The following MRPS31 variants were observed in gnomAD, a reference collection of about 807,000 sequenced individuals.
MRPS31 encodes small ribosomal subunit protein mS31.
Under a neutral mutation model 43.1 loss-of-function variants are expected in MRPS31, and 32 were observed. The observed-to-expected ratio is 0.74, with a 90% confidence interval of 0.56 to 1.00. The LOEUF (loss-of-function observed/expected upper bound fraction) is 1.00, where lower values mean the gene tolerates loss of function less well. Among genes scored for constraint, MRPS31 ranks in the 50% least tolerant of loss-of-function variants. The pLI, the probability that MRPS31 is intolerant of heterozygous loss-of-function variation, is 0.00. For synonymous variants in MRPS31, 165 were observed against 161.6 expected (o/e 1.02, Z -0.16); for missense variants, 437 against 466.7 (o/e 0.94, Z 0.59).
intron 4 of MRPS31, among the ~76,000 whole-genome samples, chr13:40,756,097 G>A (rs1402094746): frequency 6.6e-6 from 1 of 152,154 alleles, no homozygotes; most frequent in Non-Finnish European, 1.5e-5. Context: ...CACCCAGAAA[G>A]AGTTAACTCA....
chr13:40,738,880 G>A (rs1424051388), intron 6 of MRPS31, among the ~76,000 whole-genome samples: 1 of 152,184 alleles, frequency 6.6e-6, no homozygotes, highest in African/African-American at 2.4e-5. Context: ...ACTGGCACAA[G>A]ACAGGGATGC....
chr13:40,730,828 G>A (rs1879670134), intron 6 of MRPS31, among the ~76,000 whole-genome samples: 1 of 151,984 alleles, frequency 6.6e-6, no homozygotes, highest in African/African-American at 2.4e-5. Flanking sequence ...CCAAAGTGCT[G>A]GGATTACAGG....
At chr13:40,750,883 T>C (rs1343525439) in intron 5 of MRPS31, among the ~76,000 whole-genome samples, 1 of 151,644 alleles carries the variant, frequency 6.6e-6, no homozygotes, top group Non-Finnish European at 1.5e-5. Context: ...CTTTAGCGCG[T>C]ATCTGTAATA....
chr13:40,741,500 C>G (rs1280911400), intron 6 of MRPS31, among the ~76,000 whole-genome samples: 1 of 152,086 alleles, frequency 6.6e-6, no homozygotes, highest in Non-Finnish European at 1.5e-5. Context: ...GATTTGTAAT[C>G]TGGTTATCAA....
rs954301474 is a variant in MRPS31, at chr13:40,739,925, C to T, written c.958+9213G>A. 2.1e-3 allele frequency among the ~76,000 whole-genome samples: 321 copies of T among 151,632 alleles called. 1 individual carries two copies. The highest frequency in any genetic ancestry group is 7.6e-3 in the African/African-American group (312 of 41,316). ...CACCAAAAGCAATGGCAACAAAAGA[C>T]AAAATTGACAAATGGGATCTAATTA... is the stretch of plus-strand genomic sequence containing the variant. On this transcript the variant is annotated intron_variant, in intron 6 of 6. Coordinates refer to ENST00000323563, the MANE Select transcript of MRPS31 (RefSeq NM_005830.4).
intron 2 of MRPS31, among the ~76,000 whole-genome samples, chr13:40,764,886 T>C (rs1000516499): frequency 2.6e-5 from 4 of 152,210 alleles, no homozygotes; most frequent in Non-Finnish European, 5.9e-5. Context: ...GTGAGCATAA[T>C]GAATGAATGT....
At chr13:40,769,970 T>C (rs1880961500) in intron 1 of MRPS31, among the ~76,000 whole-genome samples, 1 of 152,248 alleles carries the variant, frequency 6.6e-6, no homozygotes, top group South Asian at 2.1e-4. Context: ...TTTCCATTTT[T>C]CACACTTTCT....
intron 3 of MRPS31, among the ~76,000 whole-genome samples, chr13:40,758,357 C>CT: frequency 6.6e-6 from 1 of 152,156 alleles, no homozygotes; most frequent in Non-Finnish European, 1.5e-5. Context: ...GCACACATGG[C>CT]CATTTCTTTT....
Position 40,766,916 on chromosome 13 carries a change from A to C in MRPS31, c.270T>G (p.Ser90Arg), listed in dbSNP as rs1880864716. The C allele has an allele frequency of 3.7e-6, 6 of 1,613,784 alleles. No individual in the cohort carries two copies. Among genetic ancestry groups the C allele is most frequent in the Non-Finnish European group, 5.1e-6 (6 of 1,179,962 alleles). Reference sequence around the variant, plus strand: ...AGTCTTTTTTCGTATTTTCCTTTTCACTGTCTTGGCTCTCTGAAGTCTCCT... The same window carrying C: ...AGTCTTTTTTCGTATTTTCCTTTTCCCTGTCTTGGCTCTCTGAAGTCTCCT... ...TSKETSESQD[S>R]EKENTKKDLL... Residue 90 changes from serine to arginine, a missense_variant, in exon 2 of 7, where the codon AGT (serine) becomes AGG (arginine). Coordinates refer to ENST00000323563, the MANE Select transcript of MRPS31 (RefSeq NM_005830.4).
At chr13:40,764,050 CTCCCAAACTGTG>C (rs2138017345) in intron 2 of MRPS31, among the ~76,000 whole-genome samples, 1 of 152,312 alleles carries the variant, frequency 6.6e-6, no homozygotes, top group Admixed American at 6.5e-5. Context: ...GGGACCCTGG[CTCCCAAACTGTG>C]TCCTAAGGTA....
intron 2 of MRPS31, among the ~76,000 whole-genome samples, chr13:40,764,884 A>G (rs1306607875): frequency 1.3e-5 from 2 of 152,228 alleles, no homozygotes; most frequent in Non-Finnish European, 2.9e-5. Context: ...CTGTGAGCAT[A>G]ATGAATGAAT....
chr13:40,750,862 T>C (rs1005300636), intron 5 of MRPS31, among the ~76,000 whole-genome samples: 2 of 151,462 alleles, frequency 1.3e-5, no homozygotes, highest in Non-Finnish European at 2.9e-5. Flanking sequence ...ACAAATATCC[T>C]TGTAGTTACA....
intron 6 of MRPS31, among the ~76,000 whole-genome samples, chr13:40,743,521 C>T (rs999204355): frequency 1.3e-5 from 2 of 151,944 alleles, no homozygotes; most frequent in Admixed American, 1.3e-4. Flanking sequence ...AACAATCAAC[C>T]CTATTAAAAG....
At chr13:40,729,982 G>A (rs1054260961) in intron 6 of MRPS31, among the ~76,000 whole-genome samples, 11 of 151,398 alleles carry the variant, frequency 7.3e-5, no homozygotes, top group Non-Finnish European at 1.2e-4. Flanking sequence ...TGCCCGCCTC[G>A]GCCTCCCAAA....
At chr13:40,743,396 A>C (rs1880156975) in intron 6 of MRPS31, among the ~76,000 whole-genome samples, 1 of 152,162 alleles carries the variant, frequency 6.6e-6, no homozygotes, top group Admixed American at 6.6e-5. Flanking sequence ...CAGCAAAAAG[A>C]AATTTCAATA....
chr13:40,743,398 AT>A (rs1465608521), intron 6 of MRPS31, among the ~76,000 whole-genome samples: 1 of 152,160 alleles, frequency 6.6e-6, no homozygotes, highest in Non-Finnish European at 1.5e-5. Flanking sequence ...GCAAAAAGAA[AT>A]TTCAATAAAC....
rs1005538790 is a variant in MRPS31, at chr13:40,770,920, G to C, written c.152+65C>G. On this transcript the variant is annotated intron_variant, in intron 1 of 6. Coordinates refer to ENST00000323563, the MANE Select transcript of MRPS31 (RefSeq NM_005830.4). ...AATAGCTTCTAAGACCCAGCAGGTG[G>C]TAACATCGACCCCAGGAAGTCGGAG... 2.5e-6 allele frequency: 4 copies of C among 1,596,206 alleles called. No individual in the cohort carries two copies. The African/African-American group carries it at 5.4e-5, about 21-fold the overall frequency.
At position 40,767,250 on chromosome 13, in the gene MRPS31, AG is replaced by A. The variant is rs1880877781; in HGVS notation, c.153-218del. ...TTGGCTCACCGCAAACCCCGCCTCCAGGGTTCAAGCAATTCTCCTGCCTCAA... is the reference window on the plus strand; with the variant it reads ...TTGGCTCACCGCAAACCCCGCCTCCAGGTTCAAGCAATTCTCCTGCCTCAA... On this transcript the variant is annotated intron_variant, in intron 1 of 6. Transcript: ENST00000323563. Among the ~76,000 whole-genome samples the A allele has an allele frequency of 4.6e-5, 7 of 151,736 alleles. No individual in the cohort carries two copies. In the South Asian group the frequency reaches 1.5e-3, roughly 32 times the overall value.
At chr13:40,753,082 A>G (rs1455409149) in intron 5 of MRPS31, among the ~76,000 whole-genome samples, 1 of 152,214 alleles carries the variant, frequency 6.6e-6, no homozygotes, top group African/African-American at 2.4e-5. Flanking sequence ...ACTAGAGACC[A>G]TTTGTATTAA....
Sources: allele counts gnomAD v4.1 joint callset (sites outside exome capture counted in the v4.1 genomes callset), GRCh38; gene constraint gnomAD v4.1.1; transcripts MANE v1.5; gene names NCBI Gene and HGNC (gene_info 2026-07-23, HGNC 2026-07-21).